BANP: variants seen among roughly 807,000 people sequenced by gnomAD.
BANP encodes BTG3 associated nuclear protein.
In BANP, 11 loss-of-function variants were observed where a neutral mutation model predicts 68.1. That is an observed-to-expected ratio of 0.16 (90% CI 0.10 to 0.27). BANP has a LOEUF of 0.27. Ranked by LOEUF, BANP falls within the 10% of genes least tolerant of loss-of-function variation. BANP has a pLI of 1.00. For missense variants in BANP, 504 were observed against 722.7 expected (o/e 0.70, Z 3.47); for synonymous variants, 329 against 303.2 (o/e 1.09, Z -0.88).
At chr16:87,973,397 C>T (rs2061458933) in intron 1 of BANP, among the ~76,000 whole-genome samples, 2 of 152,092 alleles carry the variant, frequency 1.3e-5, no homozygotes, top group Non-Finnish European at 2.9e-5. Flanking sequence ...AAAATATTGC[C>T]TTTACTCTAT....
In BANP at chr16:87,982,960, C is replaced by T. The variant is rs549213057; in HGVS notation, c.163-1100C>T. On this transcript the variant is annotated intron_variant, in intron 3 of 13. Coordinates refer to ENST00000682872, the MANE Select transcript of BANP (RefSeq NM_001386991.1). ...AAGCCGTTCCGGCTCCAATGTGGGC[C>T]GGCCTCCCGCTCCCCTGTCAATGTG... Among the ~76,000 whole-genome samples the T allele has an allele frequency of 1.8e-3, 272 of 151,870 alleles. 1 individual carries two copies. The highest frequency in any genetic ancestry group is 5.8e-3 in the African/African-American group (241 of 41,216).
intron 1 of BANP, among the ~76,000 whole-genome samples, chr16:87,963,227 A>G (rs1161474020): frequency 6.6e-6 from 1 of 151,984 alleles, no homozygotes; most frequent in Non-Finnish European, 1.5e-5. Context: ...CCTTCTTGTC[A>G]CTTTACTGTC....
In BANP at chr16:88,049,652, G is replaced by T. The variant is rs1327909926; in HGVS notation, c.1311+11641G>T. 2.6e-5 allele frequency among the ~76,000 whole-genome samples: 4 copies of T among 152,196 alleles called. No homozygotes were observed. In the East Asian group the frequency reaches 7.7e-4, roughly 29 times the overall value. ...CAAGAGACGAACCAGGGCTGTGGGA[G>T]TTAGGGGCCAGGAACCAGGGACAAA... On this transcript the variant is annotated intron_variant, in intron 11 of 13. Transcript: ENST00000682872.
intron 11 of BANP, among the ~76,000 whole-genome samples, chr16:88,039,298 T>G (rs951128614): frequency 4.8e-5 from 7 of 146,424 alleles, no homozygotes; most frequent in African/African-American, 1.7e-4. Flanking sequence ...GGCTTTGTGC[T>G]CACTCCACTG....
chr16:87,994,105 G>A lies in BANP; in HGVS notation c.362+9846G>A, dbSNP rs189505207. 3.3e-5 allele frequency among the ~76,000 whole-genome samples: 5 copies of A among 152,332 alleles called. No homozygotes were observed. The East Asian group carries it at 7.7e-4, about 23-fold the overall frequency. ...GTTGGAGACCAGGATGCGGAGCGCGGCGGTGTGCTGCGGTGCACTGTGTCC... is the reference window on the plus strand; with the variant it reads ...GTTGGAGACCAGGATGCGGAGCGCGACGGTGTGCTGCGGTGCACTGTGTCC... On this transcript the variant is annotated intron_variant, in intron 4 of 13. Coordinates refer to ENST00000682872, the MANE Select transcript of BANP (RefSeq NM_001386991.1).
At chr16:87,978,662 C>T (rs151189662) in intron 2 of BANP, 173 of 469,968 alleles carry the variant, frequency 3.7e-4, no homozygotes, top group African/African-American at 3.1e-3. Context: ...GACACCCGCA[C>T]CTCAGCCCCT....
At chr16:88,075,831 C>G (rs919155174) in intron 13 of BANP, among the ~76,000 whole-genome samples, 8 of 149,910 alleles carry the variant, frequency 5.3e-5, no homozygotes, top group African/African-American at 1.5e-4. Flanking sequence ...ACTGCAACCT[C>G]TGCCTCTTGG....
intron 8 of BANP, among the ~76,000 whole-genome samples, chr16:88,031,747 A>G (rs1375937362): frequency 6.6e-6 from 1 of 151,892 alleles, no homozygotes; most frequent in African/African-American, 2.4e-5. Context: ...ACCATTAGCT[A>G]TTGGTAAAAA....
At position 88,037,968 on chromosome 16, in the gene BANP, T is replaced by C; in HGVS notation, c.1273-5T>C. 3 of 1,613,858 alleles carry C rather than the reference T, an allele frequency of 1.9e-6. No homozygotes were observed. In the South Asian group the frequency reaches 3.3e-5, roughly 18 times the overall value. ...ATGACCGTCTCCTCCTCTCGTTCTT[T>C]GTAGGGCAACCTCCAGATCCATCAC... On this transcript the variant is annotated splice_polypyrimidine_tract_variant and splice_region_variant and intron_variant, in intron 10 of 13. Transcript: ENST00000682872.
intron 11 of BANP, among the ~76,000 whole-genome samples, chr16:88,063,224 C>T (rs931481365): frequency 1.3e-5 from 2 of 152,234 alleles, no homozygotes; most frequent in African/African-American, 4.8e-5. Flanking sequence ...ATCTGCTGAC[C>T]CCGGTTCCCT....
intron 8 of BANP, among the ~76,000 whole-genome samples, chr16:88,027,968 C>T (rs890431834): frequency 3.3e-5 from 5 of 152,260 alleles, no homozygotes; most frequent in African/African-American, 1.2e-4. Context: ...GTTGTATTCT[C>T]ACGATTTGCC....
At chr16:87,976,513 ATTG>A (rs1261041617) in intron 2 of BANP, among the ~76,000 whole-genome samples, 3 of 63,402 alleles carry the variant, frequency 4.7e-5, no homozygotes, top group African/African-American at 1.5e-4. Flanking sequence ...TATATGTTTT[ATTG>A]TTCTGTTAAG....
chr16:88,040,617 A>G (rs756555065), intron 11 of BANP, among the ~76,000 whole-genome samples: 2 of 152,082 alleles, frequency 1.3e-5, no homozygotes, highest in Non-Finnish European at 2.9e-5. Flanking sequence ...CCACAGGAGG[A>G]TAGTGCATGC....
At chr16:88,075,995 C>T (rs1285840831) in intron 13 of BANP, among the ~76,000 whole-genome samples, 2 of 152,188 alleles carry the variant, frequency 1.3e-5, no homozygotes, top group Non-Finnish European at 2.9e-5. Context: ...ATTCACCTGC[C>T]TCAGCCTCCC....
chr16:88,074,754 A>T (rs1191942527), intron 13 of BANP, among the ~76,000 whole-genome samples: 3 of 151,664 alleles, frequency 2.0e-5, no homozygotes, highest in Admixed American at 6.6e-5. Context: ...TGGCTCCTCC[A>T]TTCCAGCTGA....
At chr16:87,995,533 G>T (rs2066958707) in intron 4 of BANP, among the ~76,000 whole-genome samples, 1 of 152,172 alleles carries the variant, frequency 6.6e-6, no homozygotes, top group African/African-American at 2.4e-5. Flanking sequence ...TTCCTTGAGA[G>T]AATTCATAAA....
chr16:87,971,300 C>G (rs550753864), intron 1 of BANP, among the ~76,000 whole-genome samples: 4 of 152,236 alleles, frequency 2.6e-5, no homozygotes, highest in Non-Finnish European at 5.9e-5. Context: ...ATAGGGTGCT[C>G]CGCTAGCCGC....
intron 1 of BANP, among the ~76,000 whole-genome samples, chr16:87,973,080 T>C (rs754155613): frequency 1.6e-4 from 25 of 152,092 alleles, no homozygotes; most frequent in Non-Finnish European, 3.1e-4. Flanking sequence ...CTCGTTCTGT[T>C]GTCGGTGTTG....
chr16:87,980,886 G>C, intron 2 of BANP, 150 bp from the exon 3 acceptor site: 1 of 614,636 alleles, frequency 1.6e-6, no homozygotes, highest in Non-Finnish European at 2.9e-6. Context: ...CTGCCTGACT[G>C]AGAATAAGTT....
Sources: gnomAD v4.1 joint callset for allele counts (sites outside exome capture counted in the v4.1 genomes callset) on GRCh38, gnomAD v4.1.1 for gene constraint, MANE v1.5 for transcripts, NCBI Gene and HGNC (gene_info 2026-07-23, HGNC 2026-07-21) for gene names.